Variants in KLHDC8B observed in about 807,000 individuals in gnomAD.
The protein encoded by KLHDC8B is kelch domain containing 8B, also known as kelch domain-containing protein 8B.
In KLHDC8B, 19 loss-of-function variants were observed where a neutral mutation model predicts 26.3. The ratio of observed to expected loss-of-function variants is 0.72; its 90% CI spans 0.50 to 1.06. The LOEUF (loss-of-function observed/expected upper bound fraction) is 1.06. Among genes scored for constraint, KLHDC8B ranks in the 50% least tolerant of loss-of-function variants. The pLI is 0.00. For missense variants in KLHDC8B, 411 were observed against 488.1 expected, an observed-to-expected ratio of 0.84 and a Z score of 1.49; for synonymous variants, 150 against 188.4, an observed-to-expected ratio of 0.80 and a Z score of 1.67.
rs387906223 is a variant in KLHDC8B, at chr3:49,171,662, C to T, written c.-158C>T. On this transcript the variant is annotated 5_prime_UTR_variant, in exon 1 of 6. Coordinates refer to ENST00000332780, the MANE Select transcript of KLHDC8B (RefSeq NM_173546.3). The stretch of plus-strand genomic sequence containing the variant: ...GAGGCGGAACGGCGGACCCCGTACC[C>T]TGGCAGCATCGGAGCACCGGCGGGT... 4.7e-3 allele frequency: 721 copies of T among 152,510 alleles called. 2 individuals carry two copies. The highest frequency in any genetic ancestry group is 8.1e-3 in the Non-Finnish European group (552 of 68,156). 9.4% of individuals were successfully genotyped at this position (152,510 alleles called of 1,614,324 possible).
chr3:49,172,011 T>TG (rs566998992), intron 1 of KLHDC8B, among the ~76,000 whole-genome samples: 3 of 152,214 alleles, frequency 2.0e-5, no homozygotes, highest in Non-Finnish European at 4.4e-5. Flanking sequence ...ATCTGGCTTC[T>TG]GGGGGGGTTT....
chr3:49,175,253 G>C, intron 5 of KLHDC8B, 90 bp downstream of exon 5: 2 of 1,019,470 alleles, frequency 2.0e-6, no homozygotes, highest in Non-Finnish European at 2.9e-6. Context: ...CCCATCTCCA[G>C]GCACTCCAGG....
At chr3:49,174,676 C>T in intron 3 of KLHDC8B, 66 bp from the exon 4 acceptor site, 19 of 1,531,182 alleles carry the variant, frequency 1.2e-5, no homozygotes, top group Non-Finnish European at 1.6e-5. Flanking sequence ...AGATTAGCAA[C>T]CTAGTGAGCA....
At chr3:49,172,574 G>C in intron 1 of KLHDC8B, 62 bp from the exon 2 acceptor site, 1 of 608,974 alleles carries the variant, frequency 1.6e-6, no homozygotes, top group Non-Finnish European at 2.9e-6. Context: ...GCTACAGGCT[G>C]CTTATTTGTT....
Position 49,173,400 on chromosome 3 carries a change from C to T in KLHDC8B, c.376+255C>T, listed in dbSNP as rs11706189. Among the ~76,000 whole-genome samples, 36 of 152,162 alleles carry T rather than the reference C, an allele frequency of 2.4e-4. 1 individual carries two copies. The South Asian group carries it at 2.9e-3, about 12-fold the overall frequency. On this transcript the variant is annotated intron_variant, in intron 2 of 5. Coordinates refer to ENST00000332780, the MANE Select transcript of KLHDC8B (RefSeq NM_173546.3). ...TGGGAGACCCCAGCCATGTTCCTGC[C>T]CCACTCCTCATTTCTAAGAGATGGG...
At position 49,172,991 on chromosome 3, in the gene KLHDC8B, G is replaced by A. The variant is rs569675399; in HGVS notation, c.222G>A (p.Ala74=). The A allele has an allele frequency of 7.4e-6, 12 of 1,613,914 alleles. No individual in the cohort carries two copies. Among genetic ancestry groups the A allele is most frequent in the Middle Eastern group, 1.7e-4 (1 of 6,060 alleles). The change falls in exon 2 of 6, where the codon GCG becomes GCA. Residue 74 remains alanine, a synonymous_variant. Coordinates refer to ENST00000332780, the MANE Select transcript of KLHDC8B (RefSeq NM_173546.3). ...PLPTARAGAA[A]VVLGKQVLVV... Reference sequence around the variant, plus strand: ...CCACTGCCCGGGCTGGTGCAGCTGCGGTAGTTCTGGGCAAGCAGGTGCTAG... The same window carrying A: ...CCACTGCCCGGGCTGGTGCAGCTGCAGTAGTTCTGGGCAAGCAGGTGCTAG...
intron 1 of KLHDC8B, among the ~76,000 whole-genome samples, chr3:49,171,906 T>C (rs1416814330): frequency 6.6e-6 from 1 of 152,180 alleles, no homozygotes; most frequent in Non-Finnish European, 1.5e-5. Flanking sequence ...TGCCCATTCC[T>C]GGTGGAAACG....
Position 49,173,119 on chromosome 3 carries a change from C to T in KLHDC8B, c.350C>T (p.Ala117Val). The part of the protein sequence containing the change: ...WERRATLPQA[A>V]MGVATVERDG... ...CGTCGGGCCACCCTCCCTCAAGCAG[C>T]CATGGGGGTTGCAACTGTGGAGAGA... The change falls in exon 2 of 6, where the codon GCC (alanine) becomes GTC (valine). Residue 117 changes from alanine (A) to valine (V), a missense_variant. Transcript: ENST00000332780. The T allele has an allele frequency of 6.3e-7, 1 of 1,575,542 alleles. No individual in the cohort carries two copies. The highest frequency in any genetic ancestry group is 8.6e-7 in the Non-Finnish European group (1 of 1,160,846).
rs572104544 is a variant in KLHDC8B, at chr3:49,172,528, T to C, written c.-134-108T>C. ...AGAGGGGTTGGGTTCTCCCCCTGCCTTTCCCACCAGTGATTTTGGGCCAGC... is the reference window on the plus strand; with the variant it reads ...AGAGGGGTTGGGTTCTCCCCCTGCCCTTCCCACCAGTGATTTTGGGCCAGC... On this transcript the variant is annotated intron_variant, in intron 1 of 5. Coordinates refer to ENST00000332780, the MANE Select transcript of KLHDC8B (RefSeq NM_173546.3). 2.0e-5 allele frequency: 11 copies of C among 557,602 alleles called. No homozygotes were observed. In the South Asian group the frequency reaches 2.6e-4, roughly 13 times the overall value. The allele number at this position is 557,602 out of a possible 1,614,324, so 34.5% of individuals were successfully genotyped here.
Position 49,174,305 on chromosome 3 carries a change from A to T in KLHDC8B, c.443A>T (p.Tyr148Phe). The T allele has an allele frequency of 6.2e-7, 1 of 1,613,926 alleles. No individual in the cohort carries two copies. Among genetic ancestry groups the T allele is most frequent in the Non-Finnish European group, 8.5e-7 (1 of 1,179,886 alleles). ...GCCCCCCAGGCCCAGGTACGTGTGT[A>T]TGAGCCCCGTCGGGACTGCTGGCTT... ...DTAPQAQVRV[Y>F]EPRRDCWLSL... The change falls in exon 3 of 6, where the codon TAT becomes TTT. Residue 148 changes from tyrosine to phenylalanine, a missense_variant. Coordinates refer to ENST00000332780, the MANE Select transcript of KLHDC8B (RefSeq NM_173546.3).
intron 2 of KLHDC8B, 74 bp from the exon 3 acceptor site, chr3:49,174,165 C>T (rs2045796526): frequency 8.4e-7 from 1 of 1,191,940 alleles, no homozygotes; most frequent in East Asian, 2.4e-5. Flanking sequence ...ACCCCCAGGA[C>T]TTACCAGGGC....
At position 49,172,934 on chromosome 3, in the gene KLHDC8B, C is replaced by T. The variant is rs760349783; in HGVS notation, c.165C>T (p.Ala55=). Residue 55 remains alanine (A), a synonymous_variant, in exon 2 of 6, where the codon GCC becomes GCT. Transcript: ENST00000332780. ...ACACTGCTGAGACACTGGACATGGC[C>T]TCGCACACATGGCTGGCACTGGCAC... ...PLDTAETLDM[A]SHTWLALAPL... 13 of 1,614,064 alleles carry T rather than the reference C, an allele frequency of 8.1e-6. No homozygotes were observed. In the South Asian group the frequency reaches 1.2e-4, roughly 15 times the overall value.
Position 49,172,846 on chromosome 3 carries a change from T to C in KLHDC8B, c.77T>C (p.Val26Ala). Reference sequence around the variant, plus strand: ...CCCACTTGCCGGGTCTATGGCACAGTGGCACACCAAGATGGGCACCTGCTG... The same window carrying C: ...CCCACTTGCCGGGTCTATGGCACAGCGGCACACCAAGATGGGCACCTGCTG... The part of the protein sequence containing the change: ...PMPTCRVYGT[V>A]AHQDGHLLVL... The change falls in exon 2 of 6, where the codon GTG becomes GCG. Residue 26 changes from valine (V) to alanine (A), a missense_variant. Coordinates refer to ENST00000332780, the MANE Select transcript of KLHDC8B (RefSeq NM_173546.3). The C allele has an allele frequency of 6.2e-7, 1 of 1,614,082 alleles. No homozygotes were observed. Among genetic ancestry groups the C allele is most frequent in the Non-Finnish European group, 8.5e-7 (1 of 1,180,022 alleles).
chr3:49,174,831 C>G lies in KLHDC8B; in HGVS notation c.631C>G (p.Arg211Gly). 1 of 1,614,144 alleles carries G rather than the reference C, an allele frequency of 6.2e-7. No individual in the cohort carries two copies. Among genetic ancestry groups the G allele is most frequent in the Non-Finnish European group, 8.5e-7 (1 of 1,180,038 alleles). ...TWTRHPSLPS[R>G]RAFAGCAMAE... ...GACCCGGCATCCAAGCCTACCCAGCCGTCGGGCCTTTGCTGGCTGCGCCAT... is the reference window on the plus strand; with the variant it reads ...GACCCGGCATCCAAGCCTACCCAGCGGTCGGGCCTTTGCTGGCTGCGCCAT... The change falls in exon 4 of 6, where the codon CGT becomes GGT. Residue 211 changes from arginine (R) to glycine (G), a missense_variant. By Grantham distance (125) the Arg-to-Gly change is moderately radical. Coordinates refer to ENST00000332780, the MANE Select transcript of KLHDC8B (RefSeq NM_173546.3).
intron 3 of KLHDC8B, 88 bp from the exon 4 acceptor site, chr3:49,174,654 G>A: frequency 1.3e-6 from 2 of 1,490,456 alleles, no homozygotes; most frequent in South Asian, 2.7e-5. Context: ...GATGTGGGAG[G>A]CTGAGGCAGG....
Position 49,174,347 on chromosome 3 carries a change from C to T in KLHDC8B, c.485C>T (p.Pro162Leu). The change falls in exon 3 of 6, where the codon CCC becomes CTC. Residue 162 changes from proline to leucine, a missense_variant. Coordinates refer to ENST00000332780, the MANE Select transcript of KLHDC8B (RefSeq NM_173546.3). The part of the protein sequence containing the change: ...RDCWLSLPSM[P>L]TPCYGASTFL... ...TGCTGGCTTTCGCTACCCTCCATGC[C>T]CACACCCTGCTATGGGGCCTCCACC... The T allele has an allele frequency of 6.2e-7, 1 of 1,613,994 alleles. No homozygotes were observed. Among genetic ancestry groups the T allele is most frequent in the African/African-American group, 1.3e-5 (1 of 75,028 alleles).
intron 1 of KLHDC8B, 83 bp from the exon 2 acceptor site, chr3:49,172,553 C>T: frequency 1.7e-6 from 1 of 587,948 alleles, no homozygotes; most frequent in Non-Finnish European, 3.0e-6. Context: ...TTTGGGCCAG[C>T]CCTGCCCTTA....
rs1257849439 is a variant in KLHDC8B at position 49,176,362 on chromosome 3, CTG to C, written c.*564_*565del. 2 of 153,178 alleles carry C rather than the reference CTG, an allele frequency of 1.3e-5. No individual in the cohort carries two copies. The highest frequency in any genetic ancestry group is 2.9e-5 in the Non-Finnish European group (2 of 68,742). 9.5% of individuals were successfully genotyped at this position (153,178 alleles called of 1,614,324 possible). A position where few individuals can be genotyped will look rare whatever the true frequency, so the allele number is the denominator to read the frequency against. ...ACCTTGGACAAGTCACTTCACCTCT[CTG>C]TGCCTCAGCATCCTCATCTATAAAT... On this transcript the variant is annotated 3_prime_UTR_variant, in exon 6 of 6. Transcript: ENST00000332780.
chr3:49,174,911 C>T lies in KLHDC8B; in HGVS notation c.711C>T (p.Asn237=). Residue 237 remains asparagine, a synonymous_variant, in exon 4 of 6, where the codon AAC becomes AAT. Transcript: ENST00000332780. ...LGGLQQPGPH[N]FYSRPHFVNT... ...GCCTGCAGCAGCCTGGGCCCCACAA[C>T]TTCTACTCTCGCCCACACTTTGTCA... 6.2e-7 allele frequency: 1 copy of T among 1,614,198 alleles called. No homozygotes were observed. The highest frequency in any genetic ancestry group is 8.5e-7 in the Non-Finnish European group (1 of 1,180,044).
Sources: allele counts gnomAD v4.1 joint callset (sites outside exome capture counted in the v4.1 genomes callset), GRCh38; gene constraint gnomAD v4.1.1; transcripts MANE v1.5; gene names NCBI Gene and HGNC (gene_info 2026-07-23, HGNC 2026-07-21).